The following ASRGL1 variants were observed in gnomAD, a reference collection of about 807,000 sequenced individuals.
ASRGL1 encodes isoaspartyl peptidase/L-asparaginase.
Under a neutral mutation model 22.4 loss-of-function variants are expected in ASRGL1, and 16 were observed. The ratio of observed to expected loss-of-function variants is 0.71; its 90% confidence interval spans 0.48 to 1.08. The LOEUF is 1.08. Among genes scored for constraint, ASRGL1 ranks in the 50% least tolerant of loss-of-function variants. ASRGL1 has a pLI of 0.00. For missense variants in ASRGL1, 412 were observed against 410.1 expected (o/e 1.00, Z -0.04); for synonymous variants, 165 against 159.3 (o/e 1.04, Z -0.27).
chr11:62,341,196 A>AC, intron 2 of ASRGL1, among the ~76,000 whole-genome samples: 1 of 135,360 alleles, frequency 7.4e-6, no homozygotes, highest in East Asian at 2.1e-4. Context: ...AGATAACAGG[A>AC]TTTTTTTTTT....
At chr11:62,387,916 G>A (rs1256165730) in intron 4 of ASRGL1, among the ~76,000 whole-genome samples, 1 of 152,154 alleles carries the variant, frequency 6.6e-6, no homozygotes, top group Non-Finnish European at 1.5e-5. Context: ...TTGTTCAACT[G>A]TGTTACAGTC....
chr11:62,338,352 A>T, intron 2 of ASRGL1, 185 bp downstream of exon 2: 2 of 685,510 alleles, frequency 2.9e-6, no homozygotes, highest in Non-Finnish European at 4.5e-6. Flanking sequence ...ATATTTGTAG[A>T]GATTTATACT....
chr11:62,377,714 G>A (rs1488196454), intron 4 of ASRGL1, among the ~76,000 whole-genome samples: 3 of 152,136 alleles, frequency 2.0e-5, no homozygotes, highest in African/African-American at 4.8e-5. Context: ...TGTCTAACTC[G>A]TTCCTTGTTT....
intron 4 of ASRGL1, among the ~76,000 whole-genome samples, chr11:62,386,485 T>TAATACATATCATAG (rs1947213552): frequency 2.1e-5 from 3 of 141,952 alleles, no homozygotes; most frequent in Non-Finnish European, 3.1e-5. Flanking sequence ...TATGTACATA[T>TAATACATATCATAG]ATATGTACAT....
chr11:62,398,096 C>T (rs930219929), downstream of ASRGL1, among the ~76,000 whole-genome samples: 1 of 151,930 alleles, frequency 6.6e-6, no homozygotes, highest in African/African-American at 2.4e-5. Context: ...ACAGAAATGT[C>T]GACACCCTGC....
chr11:62,340,252 A>G (rs1031944962), intron 2 of ASRGL1, among the ~76,000 whole-genome samples: 63 of 152,316 alleles, frequency 4.1e-4, no homozygotes, highest in African/African-American at 1.4e-3. Flanking sequence ...CCTGGGTGAC[A>G]GAGTGAGACT....
In ASRGL1 at chr11:62,389,795, A is replaced by C. The variant is rs58840367; in HGVS notation, c.610+544A>C. On this transcript the variant is annotated intron_variant, in intron 5 of 6. Coordinates refer to ENST00000415229, the MANE Select transcript of ASRGL1 (RefSeq NM_001083926.2). ...GCAGGGCTGGGGGGCTGTATGTTTC[A>C]CTCCGTGCAGACTTTCACACTTGTC... is the stretch of plus-strand genomic sequence containing the variant. 4.1e-4 allele frequency: 85 copies of C among 207,408 alleles called. No individual in the cohort carries two copies. The East Asian group carries it at 0.01, about 24-fold the overall frequency. The allele number at this position is 207,408 out of a possible 1,614,324, so 12.8% of individuals were successfully genotyped here. A position where few individuals can be genotyped will look rare whatever the true frequency, so the allele number is the denominator to read the frequency against.
At chr11:62,391,835 T>A (rs1476846988) in intron 6 of ASRGL1, 1 of 753,600 alleles carries the variant, frequency 1.3e-6, no homozygotes, top group East Asian at 2.7e-5. Flanking sequence ...ATCTTCCACA[T>A]CTCAGGAGAA....
intron 6 of ASRGL1, 120 bp from the exon 7 acceptor site, chr11:62,391,959 C>A: frequency 8.5e-7 from 1 of 1,171,164 alleles, no homozygotes. Flanking sequence ...TTTAAGCATT[C>A]AGGCGTTCAT....
Position 62,337,919 on chromosome 11 carries a change from C to T in ASRGL1, c.-59C>T, listed in dbSNP as rs2513749. On this transcript the variant is annotated 5_prime_UTR_variant, in exon 2 of 7. Transcript: ENST00000415229. ...TCCCGAGGACCTTGTACCCGCGCGG[C>T]TTCCTTGGGCTGGCTTTGGACGACG... 1,354,400 of 1,537,530 alleles carry T rather than the reference C, an allele frequency of 0.88. 598,522 individuals carry two copies. Among genetic ancestry groups the T allele is most frequent in the East Asian group, 0.99 (41,264 of 41,498 alleles).
downstream of ASRGL1, among the ~76,000 whole-genome samples, chr11:62,396,964 G>T (rs952657664): frequency 6.6e-6 from 1 of 152,150 alleles, no homozygotes; most frequent in Admixed American, 6.5e-5. Flanking sequence ...AGCAGCCACC[G>T]GCCTCATGCC....
chr11:62,344,769 T>C (rs1331483083), intron 2 of ASRGL1, among the ~76,000 whole-genome samples: 1 of 152,234 alleles, frequency 6.6e-6, no homozygotes, highest in Non-Finnish European at 1.5e-5. Context: ...TTAAGATGTA[T>C]AGCTAAATTA....
chr11:62,391,614 CT>C lies in ASRGL1; in HGVS notation c.704del (p.Leu235ArgfsTer4), dbSNP rs1357465929. 6.2e-7 allele frequency: 1 copy of C among 1,610,310 alleles called. No individual in the cohort carries two copies. The highest frequency in any genetic ancestry group is 8.5e-7 in the Non-Finnish European group (1 of 1,178,186). ...GAAGGTGAACCTGGCTAGACTCACC[CT>C]GTTCCACATAGAACAAGGTACACAG... ...ILKVNLARLT[L>X]FHIEQGKTVE... On this transcript the variant is annotated frameshift_variant, in exon 6 of 7. Transcript: ENST00000415229. LOFTEE classifies it low-confidence loss of function (END_TRUNC).
chr11:62,347,119 T>G (rs1040604790), intron 2 of ASRGL1, among the ~76,000 whole-genome samples: 1 of 152,218 alleles, frequency 6.6e-6, no homozygotes, highest in African/African-American at 2.4e-5. Context: ...CCTTTGAGCA[T>G]GTACTAACCC....
Position 62,357,057 on chromosome 11 carries a change from C to G in ASRGL1, c.404C>G (p.Pro135Arg), listed in dbSNP as rs1946316204. 5 of 1,614,026 alleles carry G rather than the reference C, an allele frequency of 3.1e-6. No individual in the cohort carries two copies. The highest frequency in any genetic ancestry group is 4.2e-6 in the Non-Finnish European group (5 of 1,180,014). ...GCAGCTATGGGGGTTCCAGAGATTC[C>G]TGGAGAAAAACTGGTGACAGAGAGA... ...FAAAMGVPEIPGEKLVTERNK... is the reference protein window; with the variant it reads ...FAAAMGVPEIRGEKLVTERNK... The change falls in exon 4 of 7, where the codon CCT becomes CGT. Residue 135 changes from proline to arginine, a missense_variant. Physicochemically the swap from Pro to Arg is moderately radical, Grantham distance 103. Transcript: ENST00000415229.
chr11:62,359,382 G>T (rs1407178642), intron 4 of ASRGL1, among the ~76,000 whole-genome samples: 1 of 151,902 alleles, frequency 6.6e-6, no homozygotes, highest in African/African-American at 2.4e-5. Flanking sequence ...GGAGGCAGAG[G>T]TTGCAGTGAG....
At chr11:62,383,519 C>T (rs1398706689) in intron 4 of ASRGL1, among the ~76,000 whole-genome samples, 2 of 135,228 alleles carry the variant, frequency 1.5e-5, no homozygotes, top group African/African-American at 2.8e-5. Context: ...AGGAGAATGG[C>T]GTGAACCCAG....
downstream of ASRGL1, among the ~76,000 whole-genome samples, chr11:62,395,149 G>A (rs1466004679): frequency 1.3e-5 from 2 of 152,138 alleles, no homozygotes; most frequent in African/African-American, 2.4e-5. Context: ...ATTTATTTTA[G>A]AGCAGAATTG....
At chr11:62,400,492 T>C in the ASRGL1 span, among the ~76,000 whole-genome samples, 2 of 152,210 alleles carry the variant, frequency 1.3e-5, no homozygotes, top group African/African-American at 2.4e-5. Flanking sequence ...TTAACCATTT[T>C]GGACACATGG....
Sources: allele counts gnomAD v4.1 joint callset (sites outside exome capture counted in the v4.1 genomes callset), GRCh38; gene constraint gnomAD v4.1.1; transcripts MANE v1.5; gene names NCBI Gene and HGNC (gene_info 2026-07-23, HGNC 2026-07-21).